Variants in GSTCD observed in about 807,000 individuals in gnomAD.
GSTCD encodes the protein glutathione S-transferase C-terminal domain containing.
GSTCD carries 44 observed loss-of-function variants against 68.3 expected under a neutral mutation model. The ratio of observed to expected loss-of-function variants is 0.64; its 90% CI spans 0.51 to 0.83. The LOEUF (loss-of-function observed/expected upper bound fraction) is 0.83. Among genes scored for constraint, GSTCD ranks in the 40% least tolerant of loss-of-function variants. The pLI is 0.00. For synonymous variants in GSTCD, 273 were observed against 255.2 expected (o/e 1.07, Z -0.67); for missense variants, 739 against 735.9 (o/e 1.00, Z -0.05).
At chr4:105,754,245 T>G (rs893732175) in intron 5 of GSTCD, among the ~76,000 whole-genome samples, 4 of 152,132 alleles carry the variant, frequency 2.6e-5, no homozygotes, top group African/African-American at 9.7e-5. Context: ...GCAAGGAAAT[T>G]TCCTTAATAG....
At chr4:105,730,050 T>C (rs1733176334) in intron 5 of GSTCD, among the ~76,000 whole-genome samples, 1 of 152,238 alleles carries the variant, frequency 6.6e-6, no homozygotes, top group Non-Finnish European at 1.5e-5. Context: ...GCTTCACCCA[T>C]GTCCCTACAA....
intron 5 of GSTCD, among the ~76,000 whole-genome samples, chr4:105,762,250 A>G (rs1734438556): frequency 6.6e-6 from 1 of 152,214 alleles, no homozygotes; most frequent in Non-Finnish European, 1.5e-5. Flanking sequence ...AATAGGTTAT[A>G]TATTTTGGTC....
chr4:105,754,508 A>G (rs1441671296), intron 5 of GSTCD, among the ~76,000 whole-genome samples: 2 of 152,168 alleles, frequency 1.3e-5, no homozygotes, highest in African/African-American at 2.4e-5. Context: ...TTGTAGTCAC[A>G]TTTGAAAGTT....
At chr4:105,835,697 G>A (rs1450570671) in intron 9 of GSTCD, among the ~76,000 whole-genome samples, 1 of 152,078 alleles carries the variant, frequency 6.6e-6, no homozygotes, top group African/African-American at 2.4e-5. Flanking sequence ...GGGCAGGGGG[G>A]CATGTGAGCC....
intron 5 of GSTCD, among the ~76,000 whole-genome samples, chr4:105,804,707 G>A (rs913417190): frequency 6.6e-6 from 1 of 152,002 alleles, no homozygotes; most frequent in African/African-American, 2.4e-5. Flanking sequence ...ATAAGTGAAC[G>A]TGTGCCATGT....
At chr4:105,833,183 C>T (rs569674117) in intron 8 of GSTCD, among the ~76,000 whole-genome samples, 3 of 152,170 alleles carry the variant, frequency 2.0e-5, no homozygotes, top group South Asian at 2.1e-4. Context: ...ATTTTACTTT[C>T]GCTGGGCGCG....
At chr4:105,749,752 A>G (rs1733942982) in intron 5 of GSTCD, among the ~76,000 whole-genome samples, 1 of 152,192 alleles carries the variant, frequency 6.6e-6, no homozygotes, top group Admixed American at 6.5e-5. Context: ...CTAAGCAAAG[A>G]GTAGGCAATG....
chr4:105,777,968 A>G, intron 5 of GSTCD, among the ~76,000 whole-genome samples: 1 of 152,230 alleles, frequency 6.6e-6, no homozygotes, highest in Non-Finnish European at 1.5e-5. Flanking sequence ...TATTTAGGAG[A>G]ACTTTAACAA....
In GSTCD at chr4:105,719,076, G is replaced by C. The variant is rs979713720; in HGVS notation, c.443G>C (p.Arg148Thr). ...GTTTTGTAGGTTAGTCAGTGGACCA[G>C]GCTATGTGAACTCACCATCCCTTTG... The part of the protein sequence containing the change: ...KACAEVSQWT[R>T]LCELTIPLAI... Residue 148 changes from arginine (R) to threonine (T), a missense_variant, in exon 3 of 12, where the codon AGG (arginine) becomes ACG (threonine). Arg to Thr is a moderately conservative substitution (Grantham distance 71). Transcript: ENST00000515279. 1 of 1,612,980 alleles carries C rather than the reference G, an allele frequency of 6.2e-7. No homozygotes were observed. The highest frequency in any genetic ancestry group is 8.5e-7 in the Non-Finnish European group (1 of 1,179,436).
At chr4:105,805,876 G>GT (rs936983116) in intron 5 of GSTCD, among the ~76,000 whole-genome samples, 2 of 151,798 alleles carry the variant, frequency 1.3e-5, no homozygotes, top group Non-Finnish European at 2.9e-5. Context: ...ATGAAACACT[G>GT]TTTTTTTAAG....
chr4:105,734,044 G>T (rs1266394592), intron 5 of GSTCD, among the ~76,000 whole-genome samples: 1 of 152,170 alleles, frequency 6.6e-6, no homozygotes, highest in Non-Finnish European at 1.5e-5. Flanking sequence ...TAGGATTTCT[G>T]CTGAGAGATC....
intron 5 of GSTCD, among the ~76,000 whole-genome samples, chr4:105,794,578 C>T (rs1277058267): frequency 1.3e-5 from 2 of 150,900 alleles, no homozygotes; most frequent in Non-Finnish European, 2.9e-5. Flanking sequence ...TAAAACTGCT[C>T]TAAAAAATAA....
At chr4:105,781,677 G>A (rs1452933937) in intron 5 of GSTCD, among the ~76,000 whole-genome samples, 1 of 151,842 alleles carries the variant, frequency 6.6e-6, no homozygotes, top group Non-Finnish European at 1.5e-5. Flanking sequence ...TATTGCTAAG[G>A]GAAGGAAGAA....
At chr4:105,827,851 A>G (rs1239767806) in intron 8 of GSTCD, among the ~76,000 whole-genome samples, 6 of 152,078 alleles carry the variant, frequency 3.9e-5, no homozygotes, top group African/African-American at 1.4e-4. Flanking sequence ...CAAGATTTTA[A>G]TGAAAGAATT....
intron 5 of GSTCD, among the ~76,000 whole-genome samples, chr4:105,762,362 A>G (rs1178771207): frequency 6.6e-6 from 1 of 152,214 alleles, no homozygotes; most frequent in Non-Finnish European, 1.5e-5. Flanking sequence ...ACAAAACTAT[A>G]GTTTATTTGG....
intron 5 of GSTCD, chr4:105,815,066 A>T (rs998742700): frequency 6.6e-6 from 1 of 152,222 alleles, no homozygotes; most frequent in African/African-American, 2.4e-5. Context: ...CTATTCAATG[A>T]TGCTAATTCT....
intron 5 of GSTCD, among the ~76,000 whole-genome samples, chr4:105,791,751 G>C (rs1014105799): frequency 6.6e-6 from 1 of 151,060 alleles, no homozygotes. Context: ...AAACACACTA[G>C]GTACTTAAAA....
intron 5 of GSTCD, chr4:105,820,704 G>A (rs113160279): frequency 6.6e-6 from 1 of 151,810 alleles, no homozygotes; most frequent in African/African-American, 2.4e-5. Context: ...AATATTATGT[G>A]CAGCGTATGG....
At chr4:105,747,886 C>T (rs1733859082) in intron 5 of GSTCD, among the ~76,000 whole-genome samples, 2 of 34,100 alleles carry the variant, frequency 5.9e-5, no homozygotes, top group South Asian at 2.3e-3. Context: ...ACAGTGTAAA[C>T]AGTTTGTTGT....
Sources: allele counts gnomAD v4.1 joint callset (sites outside exome capture counted in the v4.1 genomes callset), GRCh38; gene constraint gnomAD v4.1.1; transcripts MANE v1.5; gene names NCBI Gene and HGNC (gene_info 2026-07-23, HGNC 2026-07-21).